The following ATPAF2 variants were observed in gnomAD, a reference collection of about 807,000 sequenced individuals.
ATPAF2 encodes ATP synthase mitochondrial F1 complex assembly factor 2, also known as ATP12 homolog.
Under a neutral mutation model 36.6 loss-of-function variants are expected in ATPAF2, and 30 were observed. The observed-to-expected ratio is 0.82, with a 90% CI of 0.61 to 1.11. ATPAF2 has a LOEUF of 1.11. ATPAF2 is among the 50% of genes most tolerant of loss of function. The probability of loss-of-function intolerance (pLI) is 0.00; values close to 1 mark genes in which losing one functional copy is unlikely to be tolerated. For missense variants in ATPAF2, 321 were observed against 372.3 expected (o/e 0.86, Z 1.13); for synonymous variants, 140 against 152.6 (o/e 0.92, Z 0.61).
At chr17:18,027,453 T>C (rs905743499) in intron 3 of ATPAF2, among the ~76,000 whole-genome samples, 4 of 152,112 alleles carry the variant, frequency 2.6e-5, no homozygotes, top group Non-Finnish European at 4.4e-5. Flanking sequence ...GAGTGCCCAG[T>C]CAGTGCTGGG....
intron 6 of ATPAF2, 164 bp downstream of exon 6, chr17:18,021,581 T>C (rs1263036968): frequency 1.2e-5 from 9 of 726,828 alleles, no homozygotes; most frequent in Non-Finnish European, 1.7e-5. Context: ...GCCTAGAGCG[T>C]AGAGTGATTG....
At chr17:18,028,932 G>C (rs1199046674) in intron 1 of ATPAF2, among the ~76,000 whole-genome samples, 3 of 152,160 alleles carry the variant, frequency 2.0e-5, no homozygotes, top group Non-Finnish European at 4.4e-5. Context: ...GTCTGATCAG[G>C]AGCATCTCGG....
At chr17:18,016,029 A>G, downstream of ATPAF2, 1 of 1,610,370 alleles carries the variant, frequency 6.2e-7, no homozygotes, top group Non-Finnish European at 8.5e-7. Flanking sequence ...GTATAATGAC[A>G]CACACTTTCT....
At chr17:18,021,384 T>A in intron 6 of ATPAF2, 146 bp from the exon 7 acceptor site, 1 of 733,322 alleles carries the variant, frequency 1.4e-6, no homozygotes, top group South Asian at 1.5e-5. Flanking sequence ...GAAAGAGCAC[T>A]CTGGTCTTCC....
At chr17:18,034,758 C>A (rs1280294679) in intron 1 of ATPAF2, among the ~76,000 whole-genome samples, 1 of 152,160 alleles carries the variant, frequency 6.6e-6, no homozygotes, top group East Asian at 1.9e-4. Flanking sequence ...AAACATATGT[C>A]CACACAAAAA....
downstream of ATPAF2, chr17:18,016,357 G>T: frequency 1.1e-6 from 1 of 909,128 alleles, no homozygotes; most frequent in East Asian, 2.5e-5. Context: ...ATTGCCCAGA[G>T]ACTTTAAAAC....
chr17:18,034,576 GACA>G (rs1360906056), intron 1 of ATPAF2, among the ~76,000 whole-genome samples: 4 of 152,272 alleles, frequency 2.6e-5, no homozygotes, highest in East Asian at 3.9e-4. Context: ...TAATAAAAAA[GACA>G]ACAACAAGTG....
chr17:18,031,782 A>C (rs542600997), intron 1 of ATPAF2, among the ~76,000 whole-genome samples: 186 of 152,320 alleles, frequency 1.2e-3, no homozygotes, highest in African/African-American at 4.3e-3. Context: ...TCCATCTCAA[A>C]AAAAAGAAAA....
chr17:18,029,750 C>A (rs2044600162), intron 1 of ATPAF2, among the ~76,000 whole-genome samples: 2 of 151,754 alleles, frequency 1.3e-5, no homozygotes, highest in South Asian at 2.1e-4. Context: ...GCCAACACAC[C>A]AGGCTAATTT....
chr17:18,029,703 G>A (rs1399056728), intron 1 of ATPAF2, among the ~76,000 whole-genome samples: 1 of 151,504 alleles, frequency 6.6e-6, no homozygotes, highest in African/African-American at 2.4e-5. Context: ...CGACTCTCCT[G>A]CCTCAGTCCC....
At chr17:18,037,906 T>A (rs948445295) in intron 1 of ATPAF2, among the ~76,000 whole-genome samples, 11 of 152,248 alleles carry the variant, frequency 7.2e-5, no homozygotes, top group African/African-American at 2.7e-4. Context: ...TCATCTATCA[T>A]GGCTCAGCTT....
At chr17:18,031,429 T>G (rs1013221074) in intron 1 of ATPAF2, among the ~76,000 whole-genome samples, 1 of 152,208 alleles carries the variant, frequency 6.6e-6, no homozygotes, top group Non-Finnish European at 1.5e-5. Flanking sequence ...AATATGTGTG[T>G]GTCTACCATG....
At chr17:18,019,167 A>ACACACACACACACAC (rs1234019489) in intron 7 of ATPAF2, among the ~76,000 whole-genome samples, 1 of 151,038 alleles carries the variant, frequency 6.6e-6, no homozygotes, top group East Asian at 1.9e-4. Context: ...ACACACACAC[A>ACACACACACACACAC]CACACACACA....
In ATPAF2 at chr17:18,021,989, G is replaced by A. The variant is rs2044476797; in HGVS notation, c.504-132C>T. On this transcript the variant is annotated intron_variant, in intron 5 of 7. Transcript: ENST00000474627. ...GGCCAAGGAGCTAGTCTTGACTACA[G>A]GAGCAACTGCCACCATGGTCAGTGG... 3 of 777,004 alleles carry A rather than the reference G, an allele frequency of 3.9e-6. No homozygotes were observed. The Admixed American group carries it at 6.0e-5, about 16-fold the overall frequency. 48.1% of individuals were successfully genotyped at this position (777,004 alleles called of 1,614,324 possible). A position where few individuals can be genotyped will look rare whatever the true frequency, so the allele number is the denominator to read the frequency against.
At position 18,018,412 on chromosome 17, in the gene ATPAF2, G is replaced by C. The variant is rs1346345212; in HGVS notation, c.*137C>G. ...CAGCCGTACTAGCGCACTGTGTCTC[G>C]GGGGGAATCTCAGGGTGACGCTGAG... is the stretch of plus-strand genomic sequence containing the variant. On this transcript the variant is annotated 3_prime_UTR_variant, in exon 8 of 8. Transcript: ENST00000474627. The C allele has an allele frequency of 7.1e-6, 9 of 1,262,422 alleles. No individual in the cohort carries two copies. The East Asian group carries it at 2.1e-4, about 29-fold the overall frequency. 78.2% of individuals were successfully genotyped at this position (1,262,422 alleles called of 1,614,324 possible). A position where few individuals can be genotyped will look rare whatever the true frequency, so the allele number is the denominator to read the frequency against.
At chr17:18,023,854 A>G (rs2044505956) in intron 5 of ATPAF2, among the ~76,000 whole-genome samples, 1 of 152,244 alleles carries the variant, frequency 6.6e-6, no homozygotes, top group Admixed American at 6.5e-5. Context: ...AGCCCTTCCA[A>G]ATTTCCCTTG....
intron 5 of ATPAF2, among the ~76,000 whole-genome samples, chr17:18,024,361 C>T (rs1181345623): frequency 1.3e-5 from 2 of 152,194 alleles, no homozygotes; most frequent in African/African-American, 4.8e-5. Context: ...CACTGCTTCT[C>T]CAAGGACACA....
intron 1 of ATPAF2, among the ~76,000 whole-genome samples, chr17:18,029,443 TTTCA>T (rs1196341013): frequency 6.6e-6 from 1 of 152,176 alleles, no homozygotes; most frequent in Non-Finnish European, 1.5e-5. Flanking sequence ...AACACAAAAC[TTTCA>T]TTCATTCATT....
downstream of ATPAF2, chr17:18,015,083 C>T (rs532894054): frequency 6.6e-6 from 1 of 152,312 alleles, no homozygotes; most frequent in South Asian, 2.1e-4. Context: ...GGTTTATTTT[C>T]CACAGGACTT....
Sources: gnomAD v4.1 joint callset for allele counts (sites outside exome capture counted in the v4.1 genomes callset) on GRCh38, gnomAD v4.1.1 for gene constraint, MANE v1.5 for transcripts, NCBI Gene and HGNC (gene_info 2026-07-23, HGNC 2026-07-21) for gene names.